Variants in C1orf21 observed in about 807,000 individuals in gnomAD.
C1orf21 encodes the protein uncharacterized protein C1orf21.
In C1orf21, 3 loss-of-function variants were observed where a neutral mutation model predicts 18.7. The ratio of observed to expected loss-of-function variants is 0.16; its 90% CI spans 0.07 to 0.42. The LOEUF is 0.42. C1orf21 is among the 10% of genes least tolerant of loss of function. The pLI is 0.99. For synonymous variants in C1orf21, 41 were observed against 46.4 expected, an observed-to-expected ratio of 0.88 and a Z score of 0.47; for missense variants, 104 against 143.6, an observed-to-expected ratio of 0.72 and a Z score of 1.41.
chr1:184,427,530 G>C (rs1229770432), intron 1 of C1orf21, among the ~76,000 whole-genome samples: 1 of 152,030 alleles, frequency 6.6e-6, no homozygotes, highest in Admixed American at 6.6e-5. Context: ...AGTGGAGTCT[G>C]GGTCCCTGGA....
intron 3 of C1orf21, among the ~76,000 whole-genome samples, chr1:184,549,576 A>G (rs141052417): frequency 0.016 from 2,379 of 151,776 alleles, 26 homozygotes; most frequent in Middle Eastern, 0.031. Context: ...TTCCTTACTC[A>G]TACTTTTCCC....
At chr1:184,517,796 A>G (rs1160677076) in intron 3 of C1orf21, among the ~76,000 whole-genome samples, 1 of 152,168 alleles carries the variant, frequency 6.6e-6, no homozygotes, top group Non-Finnish European at 1.5e-5. Flanking sequence ...TTTCCTAGAC[A>G]GTTTAATAAA....
chr1:184,524,298 T>C (rs1324519074), intron 3 of C1orf21, among the ~76,000 whole-genome samples: 1 of 152,154 alleles, frequency 6.6e-6, no homozygotes, highest in African/African-American at 2.4e-5. Context: ...TTCATTGGAA[T>C]CTAGAAAAAA....
rs115195543 is a variant in C1orf21, at chr1:184,597,776, T to C, written c.267-625T>C. Among the ~76,000 whole-genome samples the C allele has an allele frequency of 7.4e-3, 1,129 of 152,270 alleles. 17 individuals carry two copies. Among genetic ancestry groups the C allele is most frequent in the African/African-American group, 0.026 (1,078 of 41,550 alleles). On this transcript the variant is annotated intron_variant, in intron 4 of 5. Transcript: ENST00000235307. ...GTCAGCCGTCTCACTAAGAAGGCTG[T>C]TAAAAGTCACAGGACAGGAAACACA... is the stretch of plus-strand genomic sequence containing the variant.
intron 3 of C1orf21, among the ~76,000 whole-genome samples, chr1:184,537,220 C>G (rs547360683): frequency 2.6e-5 from 4 of 152,270 alleles, no homozygotes; most frequent in African/African-American, 9.6e-5. Flanking sequence ...GTATCTATCA[C>G]CATCATCCAT....
intron 1 of C1orf21, among the ~76,000 whole-genome samples, chr1:184,411,755 G>A (rs937001203): frequency 6.6e-6 from 1 of 152,172 alleles, no homozygotes. Flanking sequence ...CCATATATAA[G>A]AGCTTCTATA....
chr1:184,585,382 A>G (rs1466225212), intron 3 of C1orf21, among the ~76,000 whole-genome samples: 1 of 152,196 alleles, frequency 6.6e-6, no homozygotes, highest in Admixed American at 6.5e-5. Flanking sequence ...TGTATTCTCC[A>G]CTGCTGTTTT....
chr1:184,476,834 T>C (rs1320279737), intron 1 of C1orf21, among the ~76,000 whole-genome samples: 2 of 152,118 alleles, frequency 1.3e-5, no homozygotes, highest in Non-Finnish European at 2.9e-5. Context: ...TAAAATAAAA[T>C]ACTGAATTAT....
intron 3 of C1orf21, among the ~76,000 whole-genome samples, chr1:184,584,130 C>CTTT (rs1220752076): frequency 2.2e-3 from 182 of 81,858 alleles, no homozygotes; most frequent in African/African-American, 8.7e-3. Context: ...GCTTGTTCTT[C>CTTT]TTCTTTTTTT....
chr1:184,419,040 G>C (rs1044148345), intron 1 of C1orf21, among the ~76,000 whole-genome samples: 1 of 152,038 alleles, frequency 6.6e-6, no homozygotes, highest in African/African-American at 2.4e-5. Flanking sequence ...ATATGTCCAA[G>C]GGGTCTTTCT....
At chr1:184,438,936 C>T (rs147732357) in intron 1 of C1orf21, among the ~76,000 whole-genome samples, 284 of 152,222 alleles carry the variant, frequency 1.9e-3, no homozygotes, top group African/African-American at 6.0e-3. Context: ...CTTGGCTGGG[C>T]GCAGTGGCTC....
At chr1:184,534,747 A>G (rs531196696) in intron 3 of C1orf21, among the ~76,000 whole-genome samples, 1 of 152,320 alleles carries the variant, frequency 6.6e-6, no homozygotes, top group East Asian at 1.9e-4. Flanking sequence ...GCACGGGTAC[A>G]TGAATAAATA....
At chr1:184,514,659 T>C (rs1164648996) in intron 3 of C1orf21, among the ~76,000 whole-genome samples, 2 of 152,202 alleles carry the variant, frequency 1.3e-5, no homozygotes, top group East Asian at 1.9e-4. Flanking sequence ...CAGCTGCCCA[T>C]GTGCATGAGG....
intron 2 of C1orf21, among the ~76,000 whole-genome samples, chr1:184,501,535 C>G (rs913401231): frequency 2.0e-5 from 3 of 152,202 alleles, no homozygotes; most frequent in Non-Finnish European, 1.5e-5. Context: ...AAAAACTGTA[C>G]ACACTACTTT....
chr1:184,423,361 A>T (rs1656577157), intron 1 of C1orf21, among the ~76,000 whole-genome samples: 1 of 152,224 alleles, frequency 6.6e-6, no homozygotes, highest in South Asian at 2.1e-4. Flanking sequence ...AGTCTTCATG[A>T]TGGAGGATAT....
chr1:184,536,352 G>C lies in C1orf21; in HGVS notation c.189+28670G>C, dbSNP rs551251636. Among the ~76,000 whole-genome samples the C allele has an allele frequency of 9.1e-4, 95 of 104,370 alleles. 4 individuals carry two copies. The South Asian group carries it at 0.027, about 29-fold the overall frequency. 68.5% of individuals were successfully genotyped at this position (104,370 alleles called of 152,430 possible). A position where few individuals can be genotyped will look rare whatever the true frequency, so the allele number is the denominator to read the frequency against. ...GCTCCACTGTGCTCACCCTGTGGTTGAGTCTGCTGCTCCAGTGCCCACACT... is the reference window on the plus strand; with the variant it reads ...GCTCCACTGTGCTCACCCTGTGGTTCAGTCTGCTGCTCCAGTGCCCACACT... On this transcript the variant is annotated intron_variant, in intron 3 of 5. Transcript: ENST00000235307.
chr1:184,450,364 A>T (rs1373953284), intron 1 of C1orf21, among the ~76,000 whole-genome samples: 1 of 152,130 alleles, frequency 6.6e-6, no homozygotes, highest in Non-Finnish European at 1.5e-5. Flanking sequence ...GGCACCCTTG[A>T]TGGGTGCCTG....
chr1:184,539,752 T>A (rs1658618003), intron 3 of C1orf21, among the ~76,000 whole-genome samples: 1 of 152,216 alleles, frequency 6.6e-6, no homozygotes, highest in Non-Finnish European at 1.5e-5. Flanking sequence ...CCATGGGCAC[T>A]TCTTTGCCCA....
intron 3 of C1orf21, among the ~76,000 whole-genome samples, chr1:184,571,103 C>G (rs1351353465): frequency 6.6e-6 from 1 of 151,932 alleles, no homozygotes; most frequent in Admixed American, 6.6e-5. Context: ...ACCATCCCGG[C>G]TAAAACGGTG....
Sources: gnomAD v4.1 joint callset for allele counts (sites outside exome capture counted in the v4.1 genomes callset) on GRCh38, gnomAD v4.1.1 for gene constraint, MANE v1.5 for transcripts, NCBI Gene and HGNC (gene_info 2026-07-23, HGNC 2026-07-21) for gene names.